TSHZ3: variants seen among roughly 807,000 people sequenced by gnomAD.
TSHZ3 encodes teashirt homolog 3.
Under a neutral mutation model 64.5 loss-of-function variants are expected in TSHZ3, and 10 were observed. That is an observed-to-expected ratio of 0.16 (90% CI 0.10 to 0.26). The LOEUF is 0.26. TSHZ3 is among the 10% of genes least tolerant of loss of function. TSHZ3 has a pLI of 1.00. For synonymous variants in TSHZ3, 608 were observed against 593.1 expected (o/e 1.03, Z -0.36); for missense variants, 1,242 against 1,421.7 (o/e 0.87, Z 2.03).
chr19:31,168,026 C>T (rs1279629839), intron 5 of TSHZ3, among the ~76,000 whole-genome samples: 1 of 152,052 alleles, frequency 6.6e-6, no homozygotes, highest in Non-Finnish European at 1.5e-5. Context: ...GAGGAGAGCT[C>T]AAAGATGGGG....
chr19:31,314,321 G>A (rs946957364), intron 1 of TSHZ3, among the ~76,000 whole-genome samples: 2 of 152,196 alleles, frequency 1.3e-5, no homozygotes, highest in Admixed American at 6.5e-5. Flanking sequence ...GAGAGAGAGC[G>A]GGCGGCAGGG....
rs577056001 is a variant in TSHZ3 at position 31,276,694 on chromosome 19, G to A, written c.3099C>T (p.Pro1033=). The change falls in exon 2 of 2, where the codon CCC becomes CCT. Residue 1033 remains proline (P), a synonymous_variant. Coordinates refer to ENST00000240587, the MANE Select transcript of TSHZ3 (RefSeq NM_020856.4). ...SPSEKMVTSS[P]EEDLGTSYQC... is the part of the protein sequence containing the mutation. ...GATAGGAAGTCCCCAGGTCTTCCTC[G>A]GGGGAGGACGTCACCATTTTTTCTG... is the stretch of plus-strand genomic sequence containing the variant. 8.5e-5 allele frequency: 137 copies of A among 1,613,628 alleles called. No individual in the cohort carries two copies. The highest frequency in any genetic ancestry group is 1.6e-4 in the East Asian group (7 of 44,880).
At chr19:31,229,701 C>T (rs935814997) in intron 3 of TSHZ3, among the ~76,000 whole-genome samples, 6 of 152,094 alleles carry the variant, frequency 3.9e-5, no homozygotes, top group African/African-American at 1.2e-4. Context: ...AAGAAACTTG[C>T]AATGTATGTA....
At chr19:31,152,227 C>T (rs1004469627) in intron 6 of TSHZ3, among the ~76,000 whole-genome samples, 34 of 151,686 alleles carry the variant, frequency 2.2e-4, no homozygotes, top group Non-Finnish European at 3.2e-4. Flanking sequence ...ATTACTGTGT[C>T]TTTCCATTCC....
intron 1 of TSHZ3, among the ~76,000 whole-genome samples, chr19:31,339,606 G>A (rs1046904319): frequency 2.6e-5 from 4 of 152,104 alleles, no homozygotes; most frequent in East Asian, 3.9e-4. Flanking sequence ...GGGAAGGGTG[G>A]GTCAGTGATG....
chr19:31,168,931 T>C (rs548621054), intron 5 of TSHZ3, among the ~76,000 whole-genome samples: 63 of 152,150 alleles, frequency 4.1e-4, no homozygotes, highest in Middle Eastern at 3.4e-3. Context: ...TCCATGCAAG[T>C]CTCCACTATT....
chr19:31,320,537 G>A (rs1916737983), intron 1 of TSHZ3, among the ~76,000 whole-genome samples: 1 of 152,174 alleles, frequency 6.6e-6, no homozygotes, highest in Admixed American at 6.5e-5. Context: ...GATAACTGCA[G>A]TTGTCCTCGG....
At chr19:31,198,074 A>G (rs909388489) in intron 5 of TSHZ3, among the ~76,000 whole-genome samples, 1 of 152,138 alleles carries the variant, frequency 6.6e-6, no homozygotes, top group African/African-American at 2.4e-5. Flanking sequence ...ATTGAATCCA[A>G]TAATGTGTGA....
chr19:31,154,336 C>T (rs1306591484), intron 6 of TSHZ3, among the ~76,000 whole-genome samples: 2 of 152,172 alleles, frequency 1.3e-5, no homozygotes, highest in East Asian at 1.9e-4. Flanking sequence ...TTCATGTCAT[C>T]CAGTCCCCCA....
chr19:31,314,993 A>T (rs1568378585), intron 1 of TSHZ3, among the ~76,000 whole-genome samples: 1 of 152,146 alleles, frequency 6.6e-6, no homozygotes, highest in African/African-American at 2.4e-5. Context: ...ACAGATAGAG[A>T]GCATGGGATG....
At chr19:31,316,474 G>T (rs866489717) in intron 1 of TSHZ3, among the ~76,000 whole-genome samples, 1 of 152,286 alleles carries the variant, frequency 6.6e-6, no homozygotes, top group South Asian at 2.1e-4. Flanking sequence ...TACACAACAG[G>T]ATGCCACTTT....
intron 4 of TSHZ3, among the ~76,000 whole-genome samples, chr19:31,207,073 A>G (rs1975189358): frequency 6.6e-6 from 1 of 152,242 alleles, no homozygotes. Flanking sequence ...GTCAAATCTA[A>G]AACCTGCAAA....
chr19:31,333,834 C>T (rs370635573), intron 1 of TSHZ3, among the ~76,000 whole-genome samples: 1 of 152,120 alleles, frequency 6.6e-6, no homozygotes, highest in Non-Finnish European at 1.5e-5. Context: ...CCCGCACGCA[C>T]GCTAATAAGT....
Position 31,279,479 on chromosome 19 carries a change from G to A in TSHZ3, c.314C>T (p.Pro105Leu). Residue 105 changes from proline to leucine, a missense_variant, in exon 2 of 2, where the codon CCA becomes CTA. Physicochemically the swap from Pro to Leu is moderately conservative, Grantham distance 98 (BLOSUM62 -3). This residue lies in a region of TSHZ3 where 555 missense variants were observed against 704.0 expected (regional missense o/e 0.79). Transcript: ENST00000240587. This position sits in a 1 kb window ranked among gnomAD's most constrained non-coding sequence, Gnocchi z 6.4. The stretch of plus-strand genomic sequence containing the variant: ...ATCCGACACAGTCGTGTCTTCCAGT[G>A]GGACCGTGACCTCCTTGGTCTCCTC... ...NEEETKEVTVPLEDTTVSDSL... is the reference protein window; with the variant it reads ...NEEETKEVTVLLEDTTVSDSL... 2 of 1,614,176 alleles carry A rather than the reference G, an allele frequency of 1.2e-6. No individual in the cohort carries two copies. Among genetic ancestry groups the A allele is most frequent in the Non-Finnish European group, 8.5e-7 (1 of 1,180,028 alleles).
At chr19:31,165,163 C>T (rs1046061984) in intron 5 of TSHZ3, among the ~76,000 whole-genome samples, 1 of 152,224 alleles carries the variant, frequency 6.6e-6, no homozygotes, top group Non-Finnish European at 1.5e-5. Flanking sequence ...CCCCGGTCAC[C>T]GCTTAGCGGT....
chr19:31,150,838 G>A (rs1974229098), exon 7 of TSHZ3, among the ~76,000 whole-genome samples: 1 of 152,112 alleles, frequency 6.6e-6, no homozygotes, highest in Non-Finnish European at 1.5e-5. Flanking sequence ...CTCCATAGAT[G>A]GACCCTAGTA....
chr19:31,276,787 C>G lies in TSHZ3; in HGVS notation c.3006G>C (p.Arg1002=). The G allele has an allele frequency of 1.2e-6, 2 of 1,614,140 alleles. No individual in the cohort carries two copies. The highest frequency in any genetic ancestry group is 1.7e-6 in the Non-Finnish European group (2 of 1,180,004). Residue 1002 remains arginine, a synonymous_variant, in exon 2 of 2, where the codon CGG becomes CGC. Coordinates refer to ENST00000240587, the MANE Select transcript of TSHZ3 (RefSeq NM_020856.4). ...ISHLESHLGF[R]LRDLSKLSTE... is the part of the protein sequence containing the mutation. ...TGGACAGTTTGGATAAGTCCCGTAG[C>G]CGGAAGCCTAAGTGTGACTCTAGGT...
At chr19:31,250,007 G>T (rs1975815747) in intron 1 of TSHZ3, among the ~76,000 whole-genome samples, 1 of 152,216 alleles carries the variant, frequency 6.6e-6, no homozygotes. Flanking sequence ...GACATGAGCT[G>T]CTGCTCTGAG....
intron 1 of TSHZ3, among the ~76,000 whole-genome samples, chr19:31,253,645 A>T (rs1158958611): frequency 6.6e-6 from 1 of 152,164 alleles, no homozygotes; most frequent in East Asian, 1.9e-4. Context: ...TACAGGCATG[A>T]ATCATTGCAC....
Sources: gnomAD v4.1 joint callset for allele counts (sites outside exome capture counted in the v4.1 genomes callset) on GRCh38, gnomAD v4.1.1 for gene constraint, gnomAD v4.1.1 regional missense constraint, Gnocchi (gnomAD v3.1) non-coding constraint, MANE v1.5 for transcripts, NCBI Gene and HGNC (gene_info 2026-07-23, HGNC 2026-07-21) for gene names.